The following MACROD2 variants were observed in gnomAD, a reference collection of about 807,000 sequenced individuals.
MACROD2 encodes ADP-ribose glycohydrolase MACROD2.
A neutral mutation model predicts 70.4 loss-of-function variants in MACROD2; 36 were observed. The observed-to-expected ratio is 0.51, with a 90% CI of 0.39 to 0.68. The LOEUF is 0.68. Ranked by LOEUF, MACROD2 falls within the 30% of genes least tolerant of loss-of-function variation. The pLI, the probability that MACROD2 is intolerant of heterozygous loss-of-function variation, is 0.00. For synonymous variants in MACROD2, 172 were observed against 178.8 expected (o/e 0.96, Z 0.30); for missense variants, 496 against 538.4 (o/e 0.92, Z 0.78).
chr20:14,613,654 CTCTT>C (rs2123433670), intron 4 of MACROD2, among the ~76,000 whole-genome samples: 1 of 152,114 alleles, frequency 6.6e-6, no homozygotes, highest in South Asian at 2.1e-4. Flanking sequence ...TCCAGTTATC[CTCTT>C]TCTTTGCTTA....
At chr20:14,385,859 T>G (rs1413506691) in intron 3 of MACROD2, among the ~76,000 whole-genome samples, 1 of 152,240 alleles carries the variant, frequency 6.6e-6, no homozygotes, top group Non-Finnish European at 1.5e-5. Flanking sequence ...AGATAACAAC[T>G]GCATATTACA....
At chr20:15,156,162 A>C (rs2076305560) in intron 5 of MACROD2, among the ~76,000 whole-genome samples, 1 of 152,196 alleles carries the variant, frequency 6.6e-6, no homozygotes, top group Admixed American at 6.5e-5. Context: ...ATGTGACTAA[A>C]GAAGTGATGG....
At chr20:15,030,483 C>T (rs1156363171) in intron 5 of MACROD2, among the ~76,000 whole-genome samples, 1 of 152,046 alleles carries the variant, frequency 6.6e-6, no homozygotes, top group African/African-American at 2.4e-5. Context: ...ACACAATGTC[C>T]CAGAAATGCA....
At chr20:15,513,970 G>T (rs2047534141) in intron 8 of MACROD2, among the ~76,000 whole-genome samples, 1 of 152,110 alleles carries the variant, frequency 6.6e-6, no homozygotes, top group African/African-American at 2.4e-5. Context: ...GAGTGTTTTT[G>T]TCTTCATTTT....
chr20:15,633,090 A>G (rs890007852), intron 8 of MACROD2, among the ~76,000 whole-genome samples: 4 of 151,636 alleles, frequency 2.6e-5, no homozygotes, highest in African/African-American at 9.7e-5. Context: ...TTAACCACCC[A>G]CCCTCCTTTC....
chr20:15,511,124 A>G (rs1212748754), intron 8 of MACROD2, among the ~76,000 whole-genome samples: 2 of 152,208 alleles, frequency 1.3e-5, no homozygotes, highest in African/African-American at 4.8e-5. Context: ...GCCACCCAGC[A>G]TCTGAGCTGC....
intron 5 of MACROD2, among the ~76,000 whole-genome samples, chr20:14,731,011 G>GCA (rs1205800153): frequency 3.7e-5 from 3 of 81,724 alleles, no homozygotes; most frequent in Admixed American, 1.5e-4. Context: ...ACACACACAT[G>GCA]CACACACACA....
intron 5 of MACROD2, among the ~76,000 whole-genome samples, chr20:14,778,520 C>A (rs149343885): frequency 6.6e-6 from 1 of 152,198 alleles, no homozygotes; most frequent in East Asian, 1.9e-4. Context: ...TTCACTAAGA[C>A]CCGGTCTAGA....
chr20:14,931,629 A>G (rs2074296437), intron 5 of MACROD2, among the ~76,000 whole-genome samples: 1 of 152,158 alleles, frequency 6.6e-6, no homozygotes, highest in African/African-American at 2.4e-5. Flanking sequence ...TTTAAAAAGT[A>G]AACATACATG....
chr20:15,340,475 C>A (rs545671390), intron 6 of MACROD2, among the ~76,000 whole-genome samples: 4 of 152,182 alleles, frequency 2.6e-5, no homozygotes, highest in Admixed American at 1.3e-4. Context: ...ATAGACCTAA[C>A]CCACATTGTT....
At chr20:14,971,038 T>C (rs532920002) in intron 5 of MACROD2, among the ~76,000 whole-genome samples, 1 of 152,330 alleles carries the variant, frequency 6.6e-6, no homozygotes, top group South Asian at 2.1e-4. Context: ...TCCAGGATGC[T>C]CAAGTCCCTT....
At chr20:14,082,483 C>T (rs774137388) in intron 2 of MACROD2, among the ~76,000 whole-genome samples, 26 of 151,736 alleles carry the variant, frequency 1.7e-4, no homozygotes, top group East Asian at 3.9e-4. Flanking sequence ...TGAGCCACCG[C>T]GCCTGGCCCT....
chr20:15,174,619 A>G (rs2076446077), intron 5 of MACROD2, among the ~76,000 whole-genome samples: 2 of 152,158 alleles, frequency 1.3e-5, no homozygotes, highest in Admixed American at 1.3e-4. Flanking sequence ...CAGTCCCACC[A>G]ACAGTGTAAA....
At position 15,941,560 on chromosome 20, in the gene MACROD2, C is replaced by T. The variant is rs527344787; in HGVS notation, c.907+4016C>T. On this transcript the variant is annotated intron_variant, in intron 12 of 17. Coordinates refer to ENST00000684519, the MANE Select transcript of MACROD2 (RefSeq NM_001351661.2). Reference sequence around the variant, plus strand: ...GATAAGGTTAAAAGGCAGTCATATGCGTGGAGGATTCATTTCAAACATTCT... The same window carrying T: ...GATAAGGTTAAAAGGCAGTCATATGTGTGGAGGATTCATTTCAAACATTCT... Among the ~76,000 whole-genome samples the T allele has an allele frequency of 2.1e-4, 32 of 152,242 alleles. No homozygotes were observed. In the South Asian group the frequency reaches 3.1e-3, roughly 15 times the overall value.
intron 3 of MACROD2, among the ~76,000 whole-genome samples, chr20:14,403,490 A>T (rs928104944): frequency 9.2e-5 from 14 of 152,330 alleles, no homozygotes; most frequent in African/African-American, 3.4e-4. Context: ...TCAGAACTTA[A>T]TATCCAGTTT....
chr20:14,968,416 C>T (rs2074658353), intron 5 of MACROD2, among the ~76,000 whole-genome samples: 1 of 152,090 alleles, frequency 6.6e-6, no homozygotes, highest in Non-Finnish European at 1.5e-5. Flanking sequence ...TGTTGGTTAG[C>T]ATCATCTGGG....
At chr20:15,614,037 C>CA (rs1181906924) in intron 8 of MACROD2, among the ~76,000 whole-genome samples, 15 of 152,214 alleles carry the variant, frequency 9.9e-5, no homozygotes, top group Admixed American at 9.8e-4. Flanking sequence ...ATCAATAACC[C>CA]AGACTCACAG....
intron 5 of MACROD2, among the ~76,000 whole-genome samples, chr20:14,872,975 C>T (rs535651447): frequency 1.3e-5 from 2 of 152,222 alleles, no homozygotes; most frequent in African/African-American, 4.8e-5. Flanking sequence ...AGAACTCACT[C>T]ACTATCATGA....
chr20:15,211,482 T>C (rs1165996808), intron 5 of MACROD2, among the ~76,000 whole-genome samples: 1 of 152,146 alleles, frequency 6.6e-6, no homozygotes, highest in Admixed American at 6.5e-5. Context: ...GGTGTTTTGG[T>C]CATGCAGGTG....
Sources: gnomAD v4.1 joint callset for allele counts (sites outside exome capture counted in the v4.1 genomes callset) on GRCh38, gnomAD v4.1.1 for gene constraint, MANE v1.5 for transcripts, NCBI Gene and HGNC (gene_info 2026-07-23, HGNC 2026-07-21) for gene names.